FHIT: variants seen among roughly 807,000 people sequenced by gnomAD.
FHIT encodes bis(5'-adenosyl)-triphosphatase.
Under a neutral mutation model 17.9 loss-of-function variants are expected in FHIT, and 19 were observed. That is an observed-to-expected ratio of 1.06 (90% CI 0.74 to 1.56). The LOEUF is 1.56. Ranked by LOEUF, FHIT falls within the 40% of genes most tolerant of loss-of-function variation. The pLI, the probability that FHIT is intolerant of heterozygous loss-of-function variation, is 0.00. For synonymous variants in FHIT, 81 were observed against 69.7 expected (o/e 1.16, Z -0.81); for missense variants, 248 against 189.2 (o/e 1.31, Z -1.82).
chr3:60,130,086 TC>T (rs1320586477), intron 5 of FHIT, among the ~76,000 whole-genome samples: 2 of 152,180 alleles, frequency 1.3e-5, no homozygotes, highest in Admixed American at 6.5e-5. Flanking sequence ...TGTTAGAAGT[TC>T]CTCTTTCCCA....
At chr3:61,099,796 C>T (rs1421777238) in intron 2 of FHIT, among the ~76,000 whole-genome samples, 1 of 143,544 alleles carries the variant, frequency 7.0e-6, no homozygotes, top group Non-Finnish European at 1.5e-5. Context: ...TTATTTGAAT[C>T]TTCTCTCTTT....
intron 7 of FHIT, among the ~76,000 whole-genome samples, chr3:59,928,968 C>T (rs548368603): frequency 7.8e-6 from 1 of 128,516 alleles, no homozygotes; most frequent in Non-Finnish European, 1.5e-5. Context: ...GCACTCCAGC[C>T]TGGGCGACAG....
intron 5 of FHIT, among the ~76,000 whole-genome samples, chr3:60,364,038 C>T (rs1700011781): frequency 6.6e-6 from 1 of 152,162 alleles, no homozygotes; most frequent in Non-Finnish European, 1.5e-5. Context: ...GTCACTATAA[C>T]ATCATCTGTG....
intron 5 of FHIT, among the ~76,000 whole-genome samples, chr3:60,449,956 TC>T (rs1559923704): frequency 1.5e-5 from 2 of 129,314 alleles, no homozygotes; most frequent in African/African-American, 3.1e-5. Context: ...TAAACCGAGA[TC>T]GGGGCACTGC....
intron 8 of FHIT, among the ~76,000 whole-genome samples, chr3:59,840,711 T>C (rs1385971260): frequency 3.3e-5 from 5 of 152,118 alleles, no homozygotes; most frequent in Non-Finnish European, 7.4e-5. Context: ...CCAGTACATA[T>C]GTTCAGAAAA....
intron 2 of FHIT, among the ~76,000 whole-genome samples, chr3:61,145,901 T>C (rs1158842036): frequency 2.6e-5 from 4 of 152,034 alleles, no homozygotes; most frequent in African/African-American, 9.7e-5. Context: ...GTTCCAATAG[T>C]TTTTTAGTGA....
At chr3:60,150,212 G>C (rs1316395947) in intron 5 of FHIT, among the ~76,000 whole-genome samples, 2 of 151,890 alleles carry the variant, frequency 1.3e-5, no homozygotes, top group Non-Finnish European at 2.9e-5. Context: ...GGTCAGGCTG[G>C]TCTCGAGCTC....
At chr3:61,071,867 T>A (rs947459107) in intron 2 of FHIT, among the ~76,000 whole-genome samples, 3 of 152,356 alleles carry the variant, frequency 2.0e-5, no homozygotes, top group Middle Eastern at 3.4e-3. Context: ...CTTTGCCTTA[T>A]GTTATCCTAC....
intron 5 of FHIT, among the ~76,000 whole-genome samples, chr3:60,478,705 G>T (rs1240772595): frequency 6.6e-6 from 1 of 152,126 alleles, no homozygotes; most frequent in Non-Finnish European, 1.5e-5. Flanking sequence ...TATATTGCAT[G>T]CTGCTTCACT....
chr3:60,443,112 T>A (rs920841963), intron 5 of FHIT, among the ~76,000 whole-genome samples: 1 of 152,176 alleles, frequency 6.6e-6, no homozygotes, highest in Non-Finnish European at 1.5e-5. Context: ...GTGATTTTTG[T>A]ACATTGATTT....
intron 3 of FHIT, among the ~76,000 whole-genome samples, chr3:60,984,900 A>G (rs76772917): frequency 2.8e-3 from 429 of 152,290 alleles, no homozygotes; most frequent in African/African-American, 1.0e-2. Context: ...ATTCAAACAC[A>G]TAATGATAAA....
intron 8 of FHIT, among the ~76,000 whole-genome samples, chr3:59,799,106 A>AT (rs1374694437): frequency 1.7e-5 from 1 of 60,208 alleles, no homozygotes; most frequent in Non-Finnish European, 3.9e-5. Context: ...ATCTACTTAA[A>AT]TATTTTTTAA....
chr3:59,910,422 T>C (rs185720376), intron 8 of FHIT, among the ~76,000 whole-genome samples: 145 of 152,268 alleles, frequency 9.5e-4, no homozygotes, highest in African/African-American at 3.0e-3. Flanking sequence ...CAGCTTGACT[T>C]TTCCCTGTAG....
At chr3:59,985,442 T>A (rs1407124418) in intron 7 of FHIT, among the ~76,000 whole-genome samples, 2 of 152,154 alleles carry the variant, frequency 1.3e-5, no homozygotes, top group Non-Finnish European at 2.9e-5. Context: ...AACTACGTGG[T>A]CTAAGGACCA....
At chr3:61,034,128 A>G (rs575543103) in intron 3 of FHIT, among the ~76,000 whole-genome samples, 2 of 152,242 alleles carry the variant, frequency 1.3e-5, no homozygotes, top group Non-Finnish European at 2.9e-5. Flanking sequence ...AAATGGAGCA[A>G]TGATCTAAAT....
intron 4 of FHIT, among the ~76,000 whole-genome samples, chr3:60,741,228 TAA>T (rs782535103): frequency 2.6e-5 from 4 of 152,334 alleles, no homozygotes; most frequent in Non-Finnish European, 4.4e-5. Context: ...TCAAAATAGC[TAA>T]AGAGTTCCTA....
chr3:59,881,736 A>T (rs888555930), intron 8 of FHIT, among the ~76,000 whole-genome samples: 1 of 152,210 alleles, frequency 6.6e-6, no homozygotes, highest in African/African-American at 2.4e-5. Context: ...GGCTAAAAAC[A>T]TTAGGATAGA....
chr3:60,581,363 C>G (rs1307105506), intron 4 of FHIT, among the ~76,000 whole-genome samples: 1 of 152,044 alleles, frequency 6.6e-6, no homozygotes, highest in Non-Finnish European at 1.5e-5. Flanking sequence ...GTACCTTGCT[C>G]TTGACCTCTA....
chr3:60,235,589 C>A (rs1704741116), intron 5 of FHIT, among the ~76,000 whole-genome samples: 1 of 152,136 alleles, frequency 6.6e-6, no homozygotes, highest in Non-Finnish European at 1.5e-5. Flanking sequence ...AAGAAGGAAA[C>A]ATTGTATACA....
Sources: gnomAD v4.1 joint callset for allele counts (sites outside exome capture counted in the v4.1 genomes callset) on GRCh38, gnomAD v4.1.1 for gene constraint, MANE v1.5 for transcripts, NCBI Gene and HGNC (gene_info 2026-07-23, HGNC 2026-07-21) for gene names.